Variants in PYGL observed in about 807,000 individuals in gnomAD.
PYGL encodes glycogen phosphorylase L.
In PYGL, 90 loss-of-function variants were observed where a neutral mutation model predicts 100.1. The observed-to-expected ratio is 0.90, with a 90% CI of 0.76 to 1.07. The LOEUF (loss-of-function observed/expected upper bound fraction) is 1.07, where lower values mean the gene tolerates loss of function less well. Ranked by LOEUF, PYGL falls within the 50% of genes least tolerant of loss-of-function variation. The pLI, the probability that PYGL is intolerant of heterozygous loss-of-function variation, is 0.00. For synonymous variants in PYGL, 373 were observed against 393.0 expected (o/e 0.95, Z 0.60); for missense variants, 1,016 against 1,057.6 (o/e 0.96, Z 0.55).
At chr14:50,937,905 G>T in intron 1 of PYGL, 68 bp from the exon 2 acceptor site, 1 of 1,375,384 alleles carries the variant, frequency 7.3e-7, no homozygotes, top group African/African-American at 1.4e-5. Context: ...AAAAACACAA[G>T]GTCATGTGTT....
chr14:50,918,757 A>C (rs2050475323), intron 7 of PYGL, among the ~76,000 whole-genome samples: 1 of 152,202 alleles, frequency 6.6e-6, no homozygotes, highest in South Asian at 2.1e-4. Context: ...GAACTTATCC[A>C]TGTAACCAAA....
chr14:50,923,608 T>C (rs533590119), intron 5 of PYGL: 51 of 199,864 alleles, frequency 2.6e-4, no homozygotes, highest in African/African-American at 1.2e-3. Context: ...TTTCAAATTA[T>C]TCAATTTTGC....
At chr14:50,910,142 C>T in intron 16 of PYGL, 40 bp from the exon 17 acceptor site, 1 of 1,567,452 alleles carries the variant, frequency 6.4e-7, no homozygotes. Flanking sequence ...TTTTGTCTGT[C>T]TAGATCTGCT....
chr14:50,924,583 A>G (rs2050530410), intron 4 of PYGL, among the ~76,000 whole-genome samples: 1 of 152,250 alleles, frequency 6.6e-6, no homozygotes, highest in South Asian at 2.1e-4. Context: ...AGAATCAGTT[A>G]GAAAATGCTA....
intron 5 of PYGL, 67 bp from the exon 6 acceptor site, chr14:50,921,134 G>T: frequency 8.0e-7 from 1 of 1,246,498 alleles, no homozygotes; most frequent in Non-Finnish European, 1.2e-6. Flanking sequence ...TGAACAAGGG[G>T]CTGGGAGACT....
chr14:50,940,503 G>T (rs1318760546), intron 1 of PYGL, among the ~76,000 whole-genome samples: 1 of 152,186 alleles, frequency 6.6e-6, no homozygotes, highest in Non-Finnish European at 1.5e-5. Flanking sequence ...ATACTTCCTT[G>T]CATGACAGAC....
intron 9 of PYGL, 142 bp downstream of exon 9, chr14:50,916,500 A>G: frequency 1.3e-6 from 1 of 766,114 alleles, no homozygotes; most frequent in Non-Finnish European, 2.3e-6. Flanking sequence ...GGAAAATGTC[A>G]GCGTCAGGGA....
chr14:50,917,550 A>G (rs2050465032), intron 7 of PYGL, among the ~76,000 whole-genome samples: 1 of 152,246 alleles, frequency 6.6e-6, no homozygotes, highest in Admixed American at 6.5e-5. Context: ...TGACAGCCTG[A>G]GGACACTTGG....
intron 19 of PYGL, among the ~76,000 whole-genome samples, chr14:50,905,998 T>C (rs1208238903): frequency 6.6e-6 from 1 of 152,222 alleles, no homozygotes; most frequent in East Asian, 1.9e-4. Flanking sequence ...ATGTTAGCTA[T>C]AATGCAGGCA....
intron 2 of PYGL, among the ~76,000 whole-genome samples, chr14:50,935,853 C>G (rs1051619281): frequency 6.6e-6 from 1 of 152,210 alleles, no homozygotes; most frequent in African/African-American, 2.4e-5. Context: ...TGACAGCAGG[C>G]AGGGAAACTG....
At chr14:50,930,465 T>C (rs955261163) in intron 4 of PYGL, among the ~76,000 whole-genome samples, 6 of 152,170 alleles carry the variant, frequency 3.9e-5, no homozygotes, top group African/African-American at 1.4e-4. Flanking sequence ...CTTTTATTTA[T>C]TTGGGGGTAG....
At chr14:50,929,956 CCATCTTCCAGAGA>C (rs1320961563) in intron 4 of PYGL, among the ~76,000 whole-genome samples, 2 of 152,126 alleles carry the variant, frequency 1.3e-5, no homozygotes, top group Admixed American at 1.3e-4. Flanking sequence ...TAAAAGTTGC[CCATCTTCCAGAGA>C]CAACTTCTGT....
In PYGL at chr14:50,908,927, G is replaced by C; in HGVS notation, c.2206C>G (p.Leu736Val). 6.2e-7 allele frequency: 1 copy of C among 1,603,468 alleles called. No individual in the cohort carries two copies. The highest frequency in any genetic ancestry group is 8.5e-7 in the Non-Finnish European group (1 of 1,171,014). ...GYEAKEYYEA[L>V]PELKLVIDQI... The stretch of plus-strand genomic sequence containing the variant: ...TCAATGACCAGCTTCAGCTCTGGAA[G>C]TGCCTCATAGTATTCTTTTGCCTCG... Residue 736 changes from leucine to valine, a missense_variant, in exon 18 of 20, where the codon CTT becomes GTT. Coordinates refer to ENST00000216392, the MANE Select transcript of PYGL (RefSeq NM_002863.5).
rs199540206 is a variant in PYGL, at chr14:50,907,194, CT to C, written c.2379+1076del. ...CTTATTCACATGGCTCTACCCATCC[CT>C]TTTTTTTCCCCTCAGTATAGTATTG... On this transcript the variant is annotated intron_variant, in intron 19 of 19. Coordinates refer to ENST00000216392, the MANE Select transcript of PYGL (RefSeq NM_002863.5). 3.3e-5 allele frequency among the ~76,000 whole-genome samples: 5 copies of C among 152,054 alleles called. No homozygotes were observed. In the South Asian group the frequency reaches 8.3e-4, roughly 25 times the overall value.
intron 5 of PYGL, chr14:50,923,687 C>CAAAAAAA (rs762951824): frequency 1.9e-4 from 23 of 119,576 alleles, no homozygotes; most frequent in East Asian, 9.3e-4. Flanking sequence ...AATTTTCTGG[C>CAAAAAAA]AAAAAAAAAA....
chr14:50,929,922 T>C (rs546381486), intron 4 of PYGL, among the ~76,000 whole-genome samples: 9 of 152,340 alleles, frequency 5.9e-5, no homozygotes, highest in South Asian at 2.1e-4. Flanking sequence ...AAATGAGATA[T>C]GTAGAAGAGT....
chr14:50,939,916 A>G (rs775394006), intron 1 of PYGL, among the ~76,000 whole-genome samples: 1 of 152,208 alleles, frequency 6.6e-6, no homozygotes. Context: ...ATTCTTTCCC[A>G]TTTTCCTTTT....
At chr14:50,905,684 C>A in intron 19 of PYGL, 128 bp from the exon 20 acceptor site, 1 of 931,680 alleles carries the variant, frequency 1.1e-6, no homozygotes, top group Non-Finnish European at 1.7e-6. Flanking sequence ...TAGTAAATTA[C>A]AAATATTCTT....
chr14:50,943,603 A>T (rs772161248), intron 1 of PYGL, among the ~76,000 whole-genome samples: 4 of 152,150 alleles, frequency 2.6e-5, no homozygotes, highest in Admixed American at 6.5e-5. Context: ...GCGGCGCTCT[A>T]CGCTTGGAGC....
Sources: gnomAD v4.1 joint callset for allele counts (sites outside exome capture counted in the v4.1 genomes callset) on GRCh38, gnomAD v4.1.1 for gene constraint, MANE v1.5 for transcripts, NCBI Gene and HGNC (gene_info 2026-07-23, HGNC 2026-07-21) for gene names.